Variants in LRRIQ3 observed in about 807,000 individuals in gnomAD.
LRRIQ3 encodes leucine rich repeats and IQ motif containing 3.
Under a neutral mutation model 59.3 loss-of-function variants are expected in LRRIQ3, and 75 were observed. The ratio of observed to expected loss-of-function variants is 1.26; its 90% CI spans 1.05 to 1.53. LRRIQ3 has a LOEUF of 1.53. Ranked by LOEUF, LRRIQ3 falls within the 40% of genes most tolerant of loss-of-function variation. The pLI is 0.00. For missense variants in LRRIQ3, 831 were observed against 710.0 expected, an observed-to-expected ratio of 1.17 and a Z score of -1.94; for synonymous variants, 250 against 231.3, an observed-to-expected ratio of 1.08 and a Z score of -0.73.
chr1:74,049,318 G>A (rs1654294126), intron 6 of LRRIQ3, among the ~76,000 whole-genome samples: 1 of 152,084 alleles, frequency 6.6e-6, no homozygotes. Context: ...TTGAAGTAGG[G>A]GACTGATATG....
At chr1:74,030,685 C>T (rs1323219883) in intron 7 of LRRIQ3, among the ~76,000 whole-genome samples, 1 of 152,134 alleles carries the variant, frequency 6.6e-6, no homozygotes, top group Non-Finnish European at 1.5e-5. Context: ...CAATACCATT[C>T]AGGACATAGG....
chr1:74,087,624 C>G (rs1301197390), intron 5 of LRRIQ3, among the ~76,000 whole-genome samples: 1 of 151,802 alleles, frequency 6.6e-6, no homozygotes, highest in Non-Finnish European at 1.5e-5. Context: ...ATCTTTAGTA[C>G]TTATGTAAAA....
intron 1 of LRRIQ3, among the ~76,000 whole-genome samples, chr1:74,194,323 G>C (rs779218669): frequency 6.3e-4 from 96 of 152,094 alleles, no homozygotes; most frequent in Admixed American, 1.5e-3. Context: ...AGTCAGACTA[G>C]TACATGTGTC....
At chr1:74,194,837 A>C (rs899408629) in intron 1 of LRRIQ3, among the ~76,000 whole-genome samples, 4 of 152,164 alleles carry the variant, frequency 2.6e-5, no homozygotes, top group Non-Finnish European at 5.9e-5. Flanking sequence ...CTTTTTCTTA[A>C]GTGTCATAAA....
At chr1:74,174,148 T>C (rs1649494179) in intron 3 of LRRIQ3, among the ~76,000 whole-genome samples, 2 of 152,142 alleles carry the variant, frequency 1.3e-5, no homozygotes, top group South Asian at 4.1e-4. Context: ...AAGATATCCA[T>C]AATGCGTTAT....
intron 6 of LRRIQ3, among the ~76,000 whole-genome samples, chr1:74,072,779 T>C (rs111738361): frequency 5.9e-5 from 9 of 152,244 alleles, no homozygotes; most frequent in African/African-American, 2.2e-4. Context: ...CAAATTCCCT[T>C]TACCTTAGAA....
chr1:74,085,598 T>C (rs1358874969), intron 5 of LRRIQ3, among the ~76,000 whole-genome samples: 1 of 151,844 alleles, frequency 6.6e-6, no homozygotes, highest in Non-Finnish European at 1.5e-5. Flanking sequence ...AGGGAAAAGA[T>C]AAAGAGGTAC....
intron 6 of LRRIQ3, among the ~76,000 whole-genome samples, chr1:74,055,007 A>G (rs1654483032): frequency 6.8e-6 from 1 of 147,624 alleles, no homozygotes; most frequent in South Asian, 2.1e-4. Flanking sequence ...AATATATTTT[A>G]AATAATATGT....
intron 7 of LRRIQ3, among the ~76,000 whole-genome samples, chr1:74,032,198 A>T (rs1418527914): frequency 6.6e-6 from 1 of 152,020 alleles, no homozygotes; most frequent in Non-Finnish European, 1.5e-5. Flanking sequence ...AATGTTTTGA[A>T]TTTATTAAAA....
At chr1:74,159,436 C>G (rs1442645094) in intron 3 of LRRIQ3, among the ~76,000 whole-genome samples, 1 of 152,074 alleles carries the variant, frequency 6.6e-6, no homozygotes, top group Admixed American at 6.6e-5. Flanking sequence ...TAATCATTAT[C>G]GTTGGCCTCC....
intron 1 of LRRIQ3, among the ~76,000 whole-genome samples, chr1:74,189,755 G>A (rs1473755969): frequency 6.6e-6 from 1 of 152,026 alleles, no homozygotes; most frequent in African/African-American, 2.4e-5. Context: ...ATTCTCTCTT[G>A]TCTGCTGCCA....
intron 6 of LRRIQ3, among the ~76,000 whole-genome samples, chr1:74,066,477 TA>T (rs1654870486): frequency 6.6e-6 from 1 of 152,066 alleles, no homozygotes. Flanking sequence ...CTACTTTTCA[TA>T]ATACATTTCA....
intron 7 of LRRIQ3, among the ~76,000 whole-genome samples, chr1:74,033,469 G>A (rs1303368561): frequency 6.6e-6 from 1 of 151,922 alleles, no homozygotes; most frequent in African/African-American, 2.4e-5. Flanking sequence ...GAAGAAAGGA[G>A]TTGAGGAAGA....
At chr1:74,177,425 C>T (rs189052783) in intron 3 of LRRIQ3, among the ~76,000 whole-genome samples, 2 of 152,202 alleles carry the variant, frequency 1.3e-5, no homozygotes, top group African/African-American at 4.8e-5. Flanking sequence ...TAATAAACTC[C>T]TCTTTATATA....
chr1:74,161,559 AT>A (rs1480457199), intron 3 of LRRIQ3, among the ~76,000 whole-genome samples: 1 of 151,864 alleles, frequency 6.6e-6, no homozygotes, highest in Non-Finnish European at 1.5e-5. Context: ...TGGCAAGGGG[AT>A]GGGGGTAGAA....
intron 1 of LRRIQ3, among the ~76,000 whole-genome samples, chr1:74,196,261 T>C (rs969681251): frequency 6.6e-6 from 1 of 152,188 alleles, no homozygotes; most frequent in Non-Finnish European, 1.5e-5. Flanking sequence ...CACATCACTC[T>C]GTTTGTCTCC....
intron 5 of LRRIQ3, among the ~76,000 whole-genome samples, chr1:74,077,325 T>C (rs1051729514): frequency 6.6e-6 from 1 of 151,986 alleles, no homozygotes. Context: ...ATTTGAACCA[T>C]AGAAATGTGT....
At position 74,033,363 on chromosome 1, in the gene LRRIQ3, G is replaced by C. The variant is rs143079099; in HGVS notation, c.1719-6394C>G. Among the ~76,000 whole-genome samples, 489 of 151,994 alleles carry C rather than the reference G, an allele frequency of 3.2e-3. 4 individuals are homozygous for C. Among genetic ancestry groups the C allele is most frequent in the African/African-American group, 0.011 (450 of 41,510 alleles). ...AATAATTGAATTAAAGAACCTCGGA[G>C]CCTACACTAGAAATGAAAATAAAAG... On this transcript the variant is annotated intron_variant, in intron 7 of 7. Transcript: ENST00000354431.
chr1:74,038,444 C>A (rs749758269), intron 7 of LRRIQ3, among the ~76,000 whole-genome samples: 9 of 152,192 alleles, frequency 5.9e-5, no homozygotes, highest in Non-Finnish European at 1.2e-4. Flanking sequence ...CAAAACACAC[C>A]TTTCACCAAG....
Sources: allele counts gnomAD v4.1 joint callset (sites outside exome capture counted in the v4.1 genomes callset), GRCh38; gene constraint gnomAD v4.1.1; transcripts MANE v1.5; gene names NCBI Gene and HGNC (gene_info 2026-07-23, HGNC 2026-07-21).